The following HK1 variants were observed in gnomAD, a reference collection of about 807,000 sequenced individuals.
HK1 encodes hexokinase 1.
A neutral mutation model predicts 91.6 loss-of-function variants in HK1; 28 were observed. The ratio of observed to expected loss-of-function variants is 0.31; its 90% CI spans 0.23 to 0.42. The LOEUF is 0.42. Among genes scored for constraint, HK1 ranks in the 10% least tolerant of loss-of-function variants. HK1 has a pLI of 1.00. For missense variants in HK1, 770 were observed against 1,219.8 expected (o/e 0.63, Z 5.49); for synonymous variants, 430 against 468.1 (o/e 0.92, Z 1.05).
intron 1 of HK1, among the ~76,000 whole-genome samples, chr10:69,322,407 G>A (rs1279490609): frequency 1.3e-5 from 2 of 152,090 alleles, no homozygotes; most frequent in Non-Finnish European, 2.9e-5. Context: ...TTATCCAGAC[G>A]GCATCTGCAT....
intron 2 of HK1, among the ~76,000 whole-genome samples, chr10:69,356,623 G>A (rs1214198083): frequency 6.6e-6 from 1 of 152,138 alleles, no homozygotes; most frequent in Non-Finnish European, 1.5e-5. Context: ...GGTGGCTCAC[G>A]CCTGTGATCC....
chr10:69,288,748 G>A, exon 3 of HK1: 6 of 1,613,878 alleles, frequency 3.7e-6, no homozygotes, highest in Non-Finnish European at 5.1e-6. Flanking sequence ...CCCACAATGG[G>A]GCAGATCTGC....
chr10:69,301,437 G>A (rs1845858908), intron 5 of HK1, among the ~76,000 whole-genome samples: 2 of 147,350 alleles, frequency 1.4e-5, no homozygotes, highest in Admixed American at 1.4e-4. Context: ...AGCCAGTTGT[G>A]GTGGCACACA....
chr10:69,382,495 G>A lies in HK1; in HGVS notation c.1274G>A (p.Arg425Gln), dbSNP rs779828856. 16 of 1,614,176 alleles carry A rather than the reference G, an allele frequency of 9.9e-6. No homozygotes were observed. In the Admixed American group the frequency reaches 1.7e-4, roughly 17 times the overall value. Reference protein sequence around the residue: ...SLYKTHPQYSRRFHKTLRRLV... With the variant: ...SLYKTHPQYSQRFHKTLRRLV... ...CCCCCTGCCCCCATAAGGTATTCCCGGCGTTTCCACAAGACTCTAAGGCGC... is the reference window on the plus strand; with the variant it reads ...CCCCCTGCCCCCATAAGGTATTCCCAGCGTTTCCACAAGACTCTAAGGCGC... Residue 425 changes from arginine (R) to glutamine (Q), a missense_variant, in exon 10 of 18, where the codon CGG (arginine) becomes CAG (glutamine). Around this residue, in one of 7 missense-constraint regions of HK1, gnomAD observed 449 missense variants for 665.1 expected, o/e 0.68. Transcript: ENST00000359426.
intron 15 of HK1, among the ~76,000 whole-genome samples, chr10:69,393,417 C>T (rs1839997640): frequency 6.6e-6 from 1 of 152,152 alleles, no homozygotes; most frequent in Non-Finnish European, 1.5e-5. Flanking sequence ...CTGCCTCAGC[C>T]TCCCAGGTAG....
At chr10:69,320,202 G>A (rs111858708) in intron 1 of HK1, among the ~76,000 whole-genome samples, 3,366 of 152,166 alleles carry the variant, frequency 0.022, 61 homozygotes, top group Non-Finnish European at 0.035. Context: ...GCCAGTCAGG[G>A]GGATCCAGGT....
In HK1 at chr10:69,382,509, A is replaced by G; in HGVS notation, c.1288A>G (p.Thr430Ala). 1.2e-6 allele frequency: 2 copies of G among 1,614,110 alleles called. No homozygotes were observed. Among genetic ancestry groups the G allele is most frequent in the Non-Finnish European group, 1.7e-6 (2 of 1,180,010 alleles). The change falls in exon 10 of 18, where the codon ACT (threonine) becomes GCT (alanine). Residue 430 changes from threonine (T) to alanine (A), a missense_variant. By Grantham distance (58) the Thr-to-Ala change is moderately conservative. This residue lies in a region of HK1 where 449 missense variants were observed against 665.1 expected (regional missense o/e 0.68). Transcript: ENST00000359426. ...HPQYSRRFHK[T>A]LRRLVPDSDV... ...AAGGTATTCCCGGCGTTTCCACAAG[A>G]CTCTAAGGCGCTTGGTGCCAGACTC... is the stretch of plus-strand genomic sequence containing the variant.
intron 11 of HK1, 81 bp from the exon 12 acceptor site, chr10:69,384,715 G>A: frequency 2.5e-6 from 4 of 1,573,462 alleles, no homozygotes; most frequent in Non-Finnish European, 3.5e-6. Context: ...ACGTGTGTGT[G>A]TGTATACACA....
Position 69,288,855 on chromosome 10 carries a change from C to T in HK1, c.-115+85C>T, listed in dbSNP as rs913087473. On this transcript the variant is annotated intron_variant, in intron 3 of 21. Coordinates refer to the HK1 transcript ENST00000360289. ...AGGCTGGAGTGTAGTGGCGCGATCT[C>T]GGCTCACTATAACCTCTGCCTCCCG... 6.6e-5 allele frequency: 75 copies of T among 1,141,322 alleles called. No homozygotes were observed. In the East Asian group the frequency reaches 1.3e-3, roughly 19 times the overall value. The allele number at this position is 1,141,322 out of a possible 1,614,324, so 70.7% of individuals were successfully genotyped here. A position where few individuals can be genotyped will look rare whatever the true frequency, so the allele number is the denominator to read the frequency against.
chr10:69,339,045 G>A (rs980388290), intron 1 of HK1, among the ~76,000 whole-genome samples: 2 of 152,144 alleles, frequency 1.3e-5, no homozygotes, highest in Non-Finnish European at 2.9e-5. Context: ...GGAGACAGGC[G>A]TGGTCCAGTG....
At chr10:69,272,801 T>C (rs1844235621) in intron 1 of HK1, among the ~76,000 whole-genome samples, 1 of 151,950 alleles carries the variant, frequency 6.6e-6, no homozygotes, top group Non-Finnish European at 1.5e-5. Flanking sequence ...TTATCTTGCT[T>C]GGGCTTTGCT....
intron 2 of HK1, among the ~76,000 whole-genome samples, chr10:69,357,347 C>G (rs7076745): frequency 8.6e-5 from 13 of 151,928 alleles, no homozygotes; most frequent in Non-Finnish European, 1.5e-4. Context: ...AGTGTAACAG[C>G]CATTAAAAGG....
chr10:69,303,648 A>G (rs1845979499), intron 5 of HK1, among the ~76,000 whole-genome samples: 1 of 150,840 alleles, frequency 6.6e-6, no homozygotes, highest in Admixed American at 6.6e-5. Context: ...AACCAGGATT[A>G]CCCTTATGGC....
In HK1 at chr10:69,376,919, T is replaced by C; in HGVS notation, c.876-15T>C. On this transcript the variant is annotated splice_polypyrimidine_tract_variant and intron_variant, in intron 7 of 17. Coordinates refer to ENST00000359426, the MANE Select transcript of HK1 (RefSeq NM_000188.3). ...AGAGGAAGGCTGACAAGTGCCGGTG[T>C]GCCTTTCTCCACAGGTTTGAGAAGA... 6.2e-7 allele frequency: 1 copy of C among 1,614,086 alleles called. No individual in the cohort carries two copies. The highest frequency in any genetic ancestry group is 8.5e-7 in the Non-Finnish European group (1 of 1,179,952).
At chr10:69,292,092 A>G (rs1399682542) in intron 3 of HK1, among the ~76,000 whole-genome samples, 7 of 151,972 alleles carry the variant, frequency 4.6e-5, no homozygotes, top group Non-Finnish European at 1.5e-5. Context: ...TTTTTTATAG[A>G]TGGGATATTG....
chr10:69,306,359 A>C (rs1846104142), intron 5 of HK1, among the ~76,000 whole-genome samples: 1 of 151,890 alleles, frequency 6.6e-6, no homozygotes, highest in African/African-American at 2.4e-5. Flanking sequence ...CTCTGTCTCA[A>C]AAAAATAAAA....
intron 3 of HK1, chr10:69,288,781 G>A (rs2132453904): frequency 6.2e-7 from 1 of 1,612,448 alleles, no homozygotes; most frequent in Non-Finnish European, 8.5e-7. Flanking sequence ...GTAAGCTCTG[G>A]TGTTTCTTTC....
intron 7 of HK1, among the ~76,000 whole-genome samples, chr10:69,374,312 C>T (rs1850173026): frequency 6.6e-6 from 1 of 152,174 alleles, no homozygotes; most frequent in Admixed American, 6.5e-5. Flanking sequence ...GTTGATGATG[C>T]TCCCCTCCCC....
At position 69,377,273 on chromosome 10, in the gene HK1, C is replaced by T. The variant is rs542381620; in HGVS notation, c.1031+184C>T. ...CCGGACTCCCTGAAGGCACTTGTGG[C>T]GGTTCATTAAAGAATGACATAGTTA... On this transcript the variant is annotated intron_variant, in intron 8 of 17. Coordinates refer to ENST00000359426, the MANE Select transcript of HK1 (RefSeq NM_000188.3). 2.3e-4 allele frequency among the ~76,000 whole-genome samples: 35 copies of T among 152,200 alleles called. 1 individual carries two copies. Among genetic ancestry groups the T allele is most frequent in the Admixed American group, 2.1e-3 (32 of 15,286 alleles).
Sources: allele counts gnomAD v4.1 joint callset (sites outside exome capture counted in the v4.1 genomes callset), GRCh38; gene constraint gnomAD v4.1.1; regional missense constraint gnomAD v4.1.1; transcripts MANE v1.5; gene names NCBI Gene and HGNC (gene_info 2026-07-23, HGNC 2026-07-21).